TTC5: variants seen among roughly 807,000 people sequenced by gnomAD.
TTC5 encodes tetratricopeptide repeat protein 5.
In TTC5, 46 loss-of-function variants were observed where a neutral mutation model predicts 57.4. That is an observed-to-expected ratio of 0.80 (90% CI 0.63 to 1.03). The LOEUF (loss-of-function observed/expected upper bound fraction) is 1.03, where lower values mean the gene tolerates loss of function less well. Among genes scored for constraint, TTC5 ranks in the 50% least tolerant of loss-of-function variants. The pLI is 0.00. For missense variants in TTC5, 504 were observed against 528.1 expected (o/e 0.95, Z 0.45); for synonymous variants, 190 against 203.5 (o/e 0.93, Z 0.57).
intron 5 of TTC5, among the ~76,000 whole-genome samples, chr14:20,296,950 C>T (rs909546530): frequency 1.3e-5 from 2 of 152,078 alleles, no homozygotes; most frequent in African/African-American, 4.8e-5. Flanking sequence ...GTGGAGGTTG[C>T]AGTGAGCCGA....
chr14:20,302,204 T>C (rs1359805747), intron 1 of TTC5, among the ~76,000 whole-genome samples: 2 of 152,234 alleles, frequency 1.3e-5, no homozygotes, highest in Non-Finnish European at 2.9e-5. Flanking sequence ...TCTATTGTGA[T>C]GACCATTTTC....
intron 1 of TTC5, among the ~76,000 whole-genome samples, chr14:20,302,915 G>T (rs1033354127): frequency 3.3e-5 from 5 of 151,696 alleles, no homozygotes; most frequent in African/African-American, 9.7e-5. Flanking sequence ...AAAAGACAGG[G>T]TCACCAGGCG....
At position 20,287,179 on chromosome 14, in the gene TTC5, CAG is replaced by C. The variant is rs1337623393; in HGVS notation, c.*2446_*2447del. 3 of 152,170 alleles carry C rather than the reference CAG, an allele frequency of 2.0e-5. No individual in the cohort carries two copies. The highest frequency in any genetic ancestry group is 4.4e-5 in the Non-Finnish European group (3 of 68,040). The allele number at this position is 152,170 out of a possible 1,614,324, so 9.4% of individuals were successfully genotyped here. Reference sequence around the variant, plus strand: ...GTGGTTCTCAAATTTTACTGTGCATCAGAGTCACCTGGAGGGTTTGCGAAACA... The same window carrying C: ...GTGGTTCTCAAATTTTACTGTGCATCAGTCACCTGGAGGGTTTGCGAAACA... On this transcript the variant is annotated 3_prime_UTR_variant, in exon 10 of 10. Coordinates refer to ENST00000258821, the MANE Select transcript of TTC5 (RefSeq NM_138376.3).
chr14:20,301,810 T>C (rs1882198091), intron 2 of TTC5, 23 bp downstream of exon 2: 1 of 1,613,318 alleles, frequency 6.2e-7, no homozygotes, highest in Non-Finnish European at 8.5e-7. Flanking sequence ...GGATGGGGGT[T>C]GTACAATCTC....
At position 20,301,946 on chromosome 14, in the gene TTC5, T is replaced by G. The variant is rs1194902858; in HGVS notation, c.71A>C (p.Tyr24Ser). The G allele has an allele frequency of 6.2e-7, 1 of 1,613,958 alleles. No individual in the cohort carries two copies. Among genetic ancestry groups the G allele is most frequent in the Non-Finnish European group, 8.5e-7 (1 of 1,179,950 alleles). The stretch of plus-strand genomic sequence containing the variant: ...CTCGAAATAGCAGTCTCGAAATGAG[T>G]AGAGCTGATCCACGAGTTCCTAAAA... ...QKLQELVDQL[Y>S]SFRDCYFETH... Residue 24 changes from tyrosine (Y) to serine (S), a missense_variant, in exon 2 of 10, where the codon TAC (tyrosine) becomes TCC (serine). Transcript: ENST00000258821.
Position 20,299,287 on chromosome 14 carries a change from A to G in TTC5, c.547+11T>C. ...CTAGAAACCTGTTGGAGATCTTTTG[A>G]GAGCACTCACACCAGGAGCGGCCAT... On this transcript the variant is annotated intron_variant, in intron 4 of 9. Coordinates refer to ENST00000258821, the MANE Select transcript of TTC5 (RefSeq NM_138376.3). 6.2e-7 allele frequency: 1 copy of G among 1,611,010 alleles called. No homozygotes were observed. The highest frequency in any genetic ancestry group is 8.5e-7 in the Non-Finnish European group (1 of 1,177,868).
chr14:20,298,758 G>A, intron 5 of TTC5, 39 bp downstream of exon 5: 2 of 1,404,216 alleles, frequency 1.4e-6, no homozygotes, highest in Non-Finnish European at 2.0e-6. Context: ...TGCTTCTGTT[G>A]TTGCCTATTC....
rs370235877 is a variant in TTC5, at chr14:20,304,569, A to T, written c.51+1318T>A. 2.6e-5 allele frequency among the ~76,000 whole-genome samples: 4 copies of T among 152,280 alleles called. No homozygotes were observed. In the East Asian group the frequency reaches 7.7e-4, roughly 29 times the overall value. Reference sequence around the variant, plus strand: ...TTATCTAATCCTTTTCCTCTTCTCTACTTCACTCCTTTATTCCATTCCTGC... The same window carrying T: ...TTATCTAATCCTTTTCCTCTTCTCTTCTTCACTCCTTTATTCCATTCCTGC... On this transcript the variant is annotated intron_variant, in intron 1 of 9. Transcript: ENST00000258821.
chr14:20,293,543 C>T (rs1056383561), intron 8 of TTC5: 5 of 152,202 alleles, frequency 3.3e-5, no homozygotes, highest in African/African-American at 1.2e-4. Flanking sequence ...CCAAAAGCTA[C>T]ATATAGTACC....
At chr14:20,300,900 C>A in intron 2 of TTC5, 82 bp from the exon 3 acceptor site, 1 of 1,083,848 alleles carries the variant, frequency 9.2e-7, no homozygotes. Context: ...AACTACACGT[C>A]AGTTTTAGGA....
chr14:20,302,555 A>AT (rs1233451351), intron 1 of TTC5, among the ~76,000 whole-genome samples: 6 of 152,144 alleles, frequency 3.9e-5, no homozygotes, highest in Admixed American at 3.9e-4. Context: ...TTAAATGCTT[A>AT]TTGTGGTTTT....
intron 2 of TTC5, 85 bp from the exon 3 acceptor site, chr14:20,300,903 T>C: frequency 9.4e-7 from 1 of 1,064,962 alleles, no homozygotes; most frequent in Non-Finnish European, 1.4e-6. Flanking sequence ...TACACGTCAG[T>C]TTTAGGAATA....
chr14:20,303,029 T>C (rs1045931665), intron 1 of TTC5, among the ~76,000 whole-genome samples: 7 of 151,896 alleles, frequency 4.6e-5, no homozygotes, highest in African/African-American at 1.7e-4. Flanking sequence ...CGGTCTCTAC[T>C]AAAAATACAA....
intron 9 of TTC5, among the ~76,000 whole-genome samples, chr14:20,290,672 AC>A (rs1355656279): frequency 6.6e-6 from 1 of 152,186 alleles, no homozygotes; most frequent in African/African-American, 2.4e-5. Context: ...TACCCTTTGG[AC>A]CCAGGAGTCT....
At chr14:20,297,643 C>A (rs528306636) in intron 5 of TTC5, among the ~76,000 whole-genome samples, 4 of 151,972 alleles carry the variant, frequency 2.6e-5, no homozygotes, top group Non-Finnish European at 5.9e-5. Context: ...TGGTGTGGCA[C>A]GTGCCTGTAA....
chr14:20,299,532 T>G, intron 3 of TTC5, 84 bp from the exon 4 acceptor site: 1 of 1,499,748 alleles, frequency 6.7e-7, no homozygotes, highest in Non-Finnish European at 9.2e-7. Flanking sequence ...CTTCTAAATC[T>G]AATTTTTTAC....
intron 1 of TTC5, chr14:20,305,643 AG>A: frequency 1.7e-6 from 1 of 576,526 alleles, no homozygotes; most frequent in South Asian, 2.2e-5. Context: ...GTACATGAAC[AG>A]TTAGGAGCAA....
rs1224352701 is a variant in TTC5 at position 20,300,626 on chromosome 14, A to T, written c.377T>A (p.Phe126Tyr). Reference sequence around the variant, plus strand: ...GCTCACATGGGTGAGGGCTCCTGAGAAGCAGGTGTGGGCAGCTGCAACATC... The same window carrying T: ...GCTCACATGGGTGAGGGCTCCTGAGTAGCAGGTGTGGGCAGCTGCAACATC... Reference protein sequence around the residue: ...KGDVAAAHTCFSGALTHCRNK... With the variant: ...KGDVAAAHTCYSGALTHCRNK... The change falls in exon 3 of 10, where the codon TTC becomes TAC. Residue 126 changes from phenylalanine (F) to tyrosine (Y), a missense_variant. Transcript: ENST00000258821. The T allele has an allele frequency of 1.9e-6, 3 of 1,612,784 alleles. No homozygotes were observed. The East Asian group carries it at 6.7e-5, about 36-fold the overall frequency.
At chr14:20,293,922 G>A (rs1397708640) in intron 8 of TTC5, 5 of 152,188 alleles carry the variant, frequency 3.3e-5, no homozygotes, top group Middle Eastern at 3.2e-3. Context: ...ATGGTTATAG[G>A]AATCCAACAC....
Sources: gnomAD v4.1 joint callset for allele counts (sites outside exome capture counted in the v4.1 genomes callset) on GRCh38, gnomAD v4.1.1 for gene constraint, MANE v1.5 for transcripts, NCBI Gene and HGNC (gene_info 2026-07-23, HGNC 2026-07-21) for gene names.